CEP112: variants seen among roughly 807,000 people sequenced by gnomAD.
CEP112 encodes centrosomal protein of 112 kDa.
In CEP112, 127 loss-of-function variants were observed where a neutral mutation model predicts 153.0. That is an observed-to-expected ratio of 0.83 (90% CI 0.72 to 0.96). The LOEUF (loss-of-function observed/expected upper bound fraction) is 0.96. Ranked by LOEUF, CEP112 falls within the 40% of genes least tolerant of loss-of-function variation. The pLI is 0.00. For missense variants in CEP112, 1,089 were observed against 1,101.2 expected (o/e 0.99, Z 0.16); for synonymous variants, 358 against 374.4 (o/e 0.96, Z 0.51).
chr17:66,093,153 G>T (rs1206739436), intron 8 of CEP112, among the ~76,000 whole-genome samples: 1 of 152,146 alleles, frequency 6.6e-6, no homozygotes, highest in East Asian at 1.9e-4. Context: ...GGACAACATG[G>T]TGAAACCTTG....
chr17:65,957,437 G>T (rs1424461759), intron 18 of CEP112, among the ~76,000 whole-genome samples: 1 of 151,972 alleles, frequency 6.6e-6, no homozygotes, highest in African/African-American at 2.4e-5. Flanking sequence ...CTTGCCTTTA[G>T]CATGCAAAAA....
At chr17:66,075,519 A>G (rs1057115081) in intron 8 of CEP112, among the ~76,000 whole-genome samples, 3 of 152,182 alleles carry the variant, frequency 2.0e-5, no homozygotes, top group African/African-American at 7.2e-5. Flanking sequence ...GGAGCAACAG[A>G]GTAGTGAAAA....
rs567614619 is a variant in CEP112, at chr17:65,689,023, C to T, written c.2697+106G>A. Reference sequence around the variant, plus strand: ...CTTCAGGTGATCCACCCACCTCGGCCTCCCAAAGTGCTGAGATTACAGGTG... The same window carrying T: ...CTTCAGGTGATCCACCCACCTCGGCTTCCCAAAGTGCTGAGATTACAGGTG... On this transcript the variant is annotated intron_variant, in intron 24 of 26. Transcript: ENST00000535342. The T allele has an allele frequency of 1.6e-4, 122 of 764,072 alleles. No homozygotes were observed. The African/African-American group carries it at 2.0e-3, about 13-fold the overall frequency. The allele number at this position is 764,072 out of a possible 1,614,324, so 47.3% of individuals were successfully genotyped here.
Position 65,773,243 on chromosome 17 carries a change from T to C in CEP112, c.2395-22519A>G, listed in dbSNP as rs182483064. ...TTCTTTCCTTCCTTCACAGGCACAT[T>C]TCTTGAAAGGTAATATCTACCCCCT... is the stretch of plus-strand genomic sequence containing the variant. On this transcript the variant is annotated intron_variant, in intron 21 of 26. Coordinates refer to ENST00000535342, the MANE Select transcript of CEP112 (RefSeq NM_001199165.4). Among the ~76,000 whole-genome samples the C allele has an allele frequency of 2.5e-4, 38 of 152,306 alleles. No individual in the cohort carries two copies. The East Asian group carries it at 4.1e-3, about 16-fold the overall frequency.
chr17:65,714,576 T>C (rs2049389498), intron 23 of CEP112, among the ~76,000 whole-genome samples: 1 of 152,182 alleles, frequency 6.6e-6, no homozygotes, highest in Non-Finnish European at 1.5e-5. Context: ...TACATGACTT[T>C]GCCGTCTTCA....
intron 23 of CEP112, among the ~76,000 whole-genome samples, chr17:65,718,535 C>G (rs1185278756): frequency 6.6e-6 from 1 of 152,122 alleles, no homozygotes; most frequent in Non-Finnish European, 1.5e-5. Flanking sequence ...ATTTTAATGT[C>G]TATTTCAGTG....
At chr17:65,650,383 C>G (rs1208961939) in intron 24 of CEP112, among the ~76,000 whole-genome samples, 2 of 152,136 alleles carry the variant, frequency 1.3e-5, no homozygotes, top group Non-Finnish European at 2.9e-5. Context: ...TTAGCAAAAA[C>G]GGGCCCCACA....
chr17:66,060,142 A>G (rs2066868259), intron 11 of CEP112, among the ~76,000 whole-genome samples: 1 of 152,142 alleles, frequency 6.6e-6, no homozygotes, highest in South Asian at 2.1e-4. Flanking sequence ...CTCCTAGAGG[A>G]AAGAGGGGGA....
At chr17:66,161,098 G>C (rs1037398634) in intron 4 of CEP112, among the ~76,000 whole-genome samples, 1 of 152,084 alleles carries the variant, frequency 6.6e-6, no homozygotes, top group Non-Finnish European at 1.5e-5. Context: ...ATCATCACTG[G>C]TTATTAGAGA....
At chr17:65,645,127 G>T (rs889235024) in intron 24 of CEP112, among the ~76,000 whole-genome samples, 2 of 151,460 alleles carry the variant, frequency 1.3e-5, no homozygotes, top group Non-Finnish European at 1.5e-5. Context: ...ATACTTATAT[G>T]TATTTTTTTC....
intron 20 of CEP112, among the ~76,000 whole-genome samples, chr17:65,859,778 G>A (rs890895546): frequency 2.1e-4 from 31 of 150,536 alleles, no homozygotes; most frequent in Admixed American, 6.6e-4. Flanking sequence ...GGAGGCCAAG[G>A]CGGGCAGATC....
intron 17 of CEP112, among the ~76,000 whole-genome samples, chr17:65,969,556 G>C (rs557246914): frequency 3.9e-4 from 59 of 151,256 alleles, no homozygotes; most frequent in Non-Finnish European, 7.8e-4. Context: ...TGAATATTGT[G>C]TGCATGTATA....
At chr17:66,182,712 G>C (rs1169230668) in intron 2 of CEP112, among the ~76,000 whole-genome samples, 1 of 152,170 alleles carries the variant, frequency 6.6e-6, no homozygotes, top group African/African-American at 2.4e-5. Context: ...CCAGGAATTG[G>C]AGACAAGATA....
intron 21 of CEP112, among the ~76,000 whole-genome samples, chr17:65,833,355 G>C (rs905387883): frequency 4.1e-4 from 63 of 152,276 alleles, no homozygotes; most frequent in African/African-American, 1.5e-3. Flanking sequence ...GTCCTAGCCA[G>C]AGCAATCAGG....
At chr17:65,907,608 C>T (rs753390032) in intron 19 of CEP112, among the ~76,000 whole-genome samples, 8 of 152,120 alleles carry the variant, frequency 5.3e-5, no homozygotes, top group East Asian at 1.9e-4. Flanking sequence ...CCTAGGCTTC[C>T]GCACCATCAG....
chr17:65,660,239 T>TTTC (rs2046284429), intron 24 of CEP112, among the ~76,000 whole-genome samples: 1 of 102,936 alleles, frequency 9.7e-6, no homozygotes, highest in Non-Finnish European at 1.9e-5. Context: ...TTCCTTCCTC[T>TTTC]TTTTTGTTTT....
At chr17:66,144,450 T>C (rs1318676885) in intron 4 of CEP112, among the ~76,000 whole-genome samples, 2 of 152,198 alleles carry the variant, frequency 1.3e-5, no homozygotes, top group Non-Finnish European at 1.5e-5. Flanking sequence ...CCCAGCACTT[T>C]GGGAGGCCGA....
intron 10 of CEP112, among the ~76,000 whole-genome samples, 190 bp downstream of exon 10, chr17:66,066,587 AC>A (rs2067127893): frequency 6.6e-6 from 1 of 152,018 alleles, no homozygotes; most frequent in Non-Finnish European, 1.5e-5. Context: ...ACAGACACAC[AC>A]ACACACACAC....
intron 4 of CEP112, among the ~76,000 whole-genome samples, chr17:66,142,348 T>G (rs1304236): frequency 0.25 from 37,374 of 152,080 alleles, 4,771 homozygotes; most frequent in Non-Finnish European, 0.28. Context: ...AGGAGATTTT[T>G]AAGTTGATAA....
Sources: gnomAD v4.1 joint callset for allele counts (sites outside exome capture counted in the v4.1 genomes callset) on GRCh38, gnomAD v4.1.1 for gene constraint, MANE v1.5 for transcripts, NCBI Gene and HGNC (gene_info 2026-07-23, HGNC 2026-07-21) for gene names.